CADM2: variants seen among roughly 807,000 people sequenced by gnomAD.
CADM2 encodes immunoglobulin superfamily member 4D.
A neutral mutation model predicts 49.8 loss-of-function variants in CADM2; 12 were observed. That is an observed-to-expected ratio of 0.24 (90% CI 0.15 to 0.39). The LOEUF (loss-of-function observed/expected upper bound fraction) is 0.39, where lower values mean the gene tolerates loss of function less well. Ranked by LOEUF, CADM2 falls within the 10% of genes least tolerant of loss-of-function variation. CADM2 has a pLI of 1.00. For missense variants in CADM2, 378 were observed against 492.3 expected (o/e 0.77, Z 2.20); for synonymous variants, 214 against 175.4 (o/e 1.22, Z -1.74).
At chr3:85,879,430 A>G (rs4555539) in intron 3 of CADM2, among the ~76,000 whole-genome samples, 106,101 of 151,976 alleles carry the variant, frequency 0.7, 38,668 homozygotes, top group African/African-American at 0.92. Flanking sequence ...ATTTGAGTGT[A>G]TGGGAGGGTG....
intron 1 of CADM2, among the ~76,000 whole-genome samples, chr3:85,368,565 A>AAT (rs765795600): frequency 1.7e-3 from 245 of 147,354 alleles, no homozygotes; most frequent in African/African-American, 5.1e-3. Flanking sequence ...TATATACCTG[A>AAT]ATATATATAT....
At chr3:85,294,555 G>A (rs2043900260) in intron 1 of CADM2, among the ~76,000 whole-genome samples, 1 of 152,070 alleles carries the variant, frequency 6.6e-6, no homozygotes, top group African/African-American at 2.4e-5. Flanking sequence ...CAAGGCTACA[G>A]TACCCAAAAC....
At chr3:86,014,495 T>A in intron 8 of CADM2, 1 of 1,532,242 alleles carries the variant, frequency 6.5e-7, no homozygotes. Flanking sequence ...TGAAACTCCC[T>A]GGAAAATACC....
intron 1 of CADM2, among the ~76,000 whole-genome samples, chr3:85,050,447 T>G (rs2107403237): frequency 6.6e-6 from 1 of 152,262 alleles, no homozygotes; most frequent in Admixed American, 6.5e-5. Flanking sequence ...AGCTAAAGAT[T>G]TTTCCATGAC....
intron 1 of CADM2, among the ~76,000 whole-genome samples, chr3:85,435,849 C>T (rs2036903421): frequency 6.6e-6 from 1 of 152,048 alleles, no homozygotes; most frequent in African/African-American, 2.4e-5. Context: ...CTCTTTTTCA[C>T]CCACTTTTTG....
chr3:86,061,504 A>T (rs1227419636), intron 8 of CADM2, among the ~76,000 whole-genome samples: 1 of 152,180 alleles, frequency 6.6e-6, no homozygotes, highest in Non-Finnish European at 1.5e-5. Context: ...GCCTCAAATC[A>T]TAGACCACAA....
intron 1 of CADM2, among the ~76,000 whole-genome samples, chr3:84,993,279 A>G (rs1256593855): frequency 6.6e-6 from 1 of 152,166 alleles, no homozygotes; most frequent in Non-Finnish European, 1.5e-5. Context: ...ACTATAGCCC[A>G]TTACAGTGAC....
At chr3:85,078,669 C>G (rs545479710) in intron 1 of CADM2, among the ~76,000 whole-genome samples, 53 of 151,720 alleles carry the variant, frequency 3.5e-4, no homozygotes, top group South Asian at 1.2e-3. Flanking sequence ...CTGAAATGCC[C>G]CATTCTTTCT....
rs983545090 is a variant in CADM2, at chr3:85,671,892, G to A, written c.62-54630G>A. Among the ~76,000 whole-genome samples, 15 of 151,906 alleles carry A rather than the reference G, an allele frequency of 9.9e-5. No homozygotes were observed. In the East Asian group the frequency reaches 2.9e-3, roughly 29 times the overall value. On this transcript the variant is annotated intron_variant, in intron 1 of 9. Transcript: ENST00000383699. ...CATAGGCCTTAACACTAATATATAA[G>A]ACATAAAATTATCTCATATATTTAC...
intron 1 of CADM2, among the ~76,000 whole-genome samples, chr3:85,202,192 A>G (rs1487650497): frequency 6.6e-6 from 1 of 151,966 alleles, no homozygotes; most frequent in African/African-American, 2.4e-5. Flanking sequence ...TCTCTTGCTA[A>G]CTGTTTCCAA....
intron 1 of CADM2, among the ~76,000 whole-genome samples, chr3:85,553,149 G>A (rs1424665038): frequency 1.3e-5 from 2 of 151,878 alleles, no homozygotes; most frequent in African/African-American, 2.4e-5. Flanking sequence ...GTAAATAACC[G>A]ACCAAGAGAA....
rs997865422 is a variant in CADM2 at position 85,949,200 on chromosome 3, T to G, written c.792-12269T>G. 4.6e-5 allele frequency among the ~76,000 whole-genome samples: 7 copies of G among 151,430 alleles called. No individual in the cohort carries two copies. The East Asian group carries it at 1.4e-3, about 30-fold the overall frequency. The stretch of plus-strand genomic sequence containing the variant: ...GTTACAAAATCAATTTATATGACTT[T>G]TTTTTAAAAAGAAAATAATAGAAAA... On this transcript the variant is annotated intron_variant, in intron 7 of 9. Coordinates refer to ENST00000383699, the MANE Select transcript of CADM2 (RefSeq NM_001167675.2).
chr3:85,222,646 C>A (rs1471838907), intron 1 of CADM2, among the ~76,000 whole-genome samples: 1 of 152,082 alleles, frequency 6.6e-6, no homozygotes, highest in Non-Finnish European at 1.5e-5. Flanking sequence ...CTCTTAAATT[C>A]TTCATATTAT....
chr3:85,601,252 A>G (rs1045784511), intron 1 of CADM2, among the ~76,000 whole-genome samples: 4 of 148,020 alleles, frequency 2.7e-5, no homozygotes, highest in African/African-American at 9.9e-5. Flanking sequence ...GATGTTTGCT[A>G]TAGTGAATAT....
intron 1 of CADM2, among the ~76,000 whole-genome samples, chr3:85,118,185 C>A (rs1470013236): frequency 4.0e-5 from 6 of 151,450 alleles, no homozygotes; most frequent in Non-Finnish European, 7.4e-5. Context: ...TCTGTTAATT[C>A]TCTCAGCATT....
rs528705093 is a variant in CADM2 at position 85,671,805 on chromosome 3, G to T, written c.62-54717G>T. On this transcript the variant is annotated intron_variant, in intron 1 of 9. Coordinates refer to ENST00000383699, the MANE Select transcript of CADM2 (RefSeq NM_001167675.2). ...TTATCTTCTCATATGTGTACCCTTT[G>T]TGTATATACTCATTCTGAATTAGCA... Among the ~76,000 whole-genome samples the T allele has an allele frequency of 1.7e-4, 26 of 152,216 alleles. No individual in the cohort carries two copies. The East Asian group carries it at 4.8e-3, about 28-fold the overall frequency.
intron 1 of CADM2, among the ~76,000 whole-genome samples, chr3:85,694,450 T>C (rs2066488840): frequency 6.6e-6 from 1 of 152,176 alleles, no homozygotes. Context: ...ACCCTTCCAG[T>C]ACCTGAATCT....
intron 1 of CADM2, among the ~76,000 whole-genome samples, chr3:85,084,093 G>A (rs192689202): frequency 1.6e-4 from 25 of 152,164 alleles, no homozygotes; most frequent in Admixed American, 1.3e-3. Context: ...GAAAGGCATC[G>A]CTCCTTCTGT....
intron 1 of CADM2, among the ~76,000 whole-genome samples, chr3:85,011,579 G>T (rs2033994996): frequency 6.6e-6 from 1 of 152,156 alleles, no homozygotes; most frequent in Non-Finnish European, 1.5e-5. Flanking sequence ...TAAACATTGT[G>T]TTTGTTTTCC....
Sources: gnomAD v4.1 joint callset for allele counts (sites outside exome capture counted in the v4.1 genomes callset) on GRCh38, gnomAD v4.1.1 for gene constraint, MANE v1.5 for transcripts, NCBI Gene and HGNC (gene_info 2026-07-23, HGNC 2026-07-21) for gene names.